HHAT: variants seen among roughly 807,000 people sequenced by gnomAD.
The protein encoded by HHAT is hedgehog acyltransferase, also known as protein-cysteine N-palmitoyltransferase HHAT.
A neutral mutation model predicts 70.8 loss-of-function variants in HHAT; 47 were observed. That is an observed-to-expected ratio of 0.66 (90% CI 0.53 to 0.85). HHAT has a LOEUF of 0.85. Among genes scored for constraint, HHAT ranks in the 40% least tolerant of loss-of-function variants. HHAT has a pLI of 0.00. For missense variants in HHAT, 609 were observed against 604.8 expected (o/e 1.01, Z -0.07); for synonymous variants, 228 against 247.6 (o/e 0.92, Z 0.74).
In HHAT at chr1:210,659,618, AAG is replaced by A. The variant is rs1241180901; in HGVS notation, c.1391-14666_1391-14665del. ...AAGCCTGCCAGAGACACAACAAAAA[AAG>A]AGAATTTTAGACCAATATCCCTGAT... On this transcript the variant is annotated intron_variant, in intron 11 of 11. Transcript: ENST00000261458. 3.3e-5 allele frequency among the ~76,000 whole-genome samples: 5 copies of A among 152,346 alleles called. No individual in the cohort carries two copies. In the East Asian group the frequency reaches 9.7e-4, roughly 29 times the overall value.
chr1:210,601,597 GC>G (rs776110465), intron 10 of HHAT, among the ~76,000 whole-genome samples: 1 of 152,018 alleles, frequency 6.6e-6, no homozygotes, highest in Non-Finnish European at 1.5e-5. Flanking sequence ...AAAATTCTCA[GC>G]ACCTTATGTA....
At position 210,362,833 on chromosome 1, in the gene HHAT, A is replaced by G. The variant is rs1251818655; in HGVS notation, c.92-19A>G. 2 of 1,577,852 alleles carry G rather than the reference A, an allele frequency of 1.3e-6. No individual in the cohort carries two copies. Among genetic ancestry groups the G allele is most frequent in the Non-Finnish European group, 1.7e-6 (2 of 1,149,128 alleles). On this transcript the variant is annotated intron_variant, in intron 2 of 11. Transcript: ENST00000261458. ...TTGTTTAGATTTGTGACTAACGAAG[A>G]CTTTTTTTTTTTGGTCAGAACACGA...
At chr1:210,526,546 G>A (rs959348651) in intron 9 of HHAT, among the ~76,000 whole-genome samples, 3 of 152,066 alleles carry the variant, frequency 2.0e-5, no homozygotes, top group Admixed American at 6.5e-5. Context: ...AGCAGCCTGT[G>A]GAATGGAAAA....
At chr1:210,379,209 C>G (rs1239353808) in intron 3 of HHAT, among the ~76,000 whole-genome samples, 2 of 152,228 alleles carry the variant, frequency 1.3e-5, no homozygotes, top group Non-Finnish European at 2.9e-5. Flanking sequence ...ATGGCTGCTG[C>G]AGAACAGCCA....
chr1:210,362,236 C>CTTTTTTTTTTTTTTTTTTTTT (rs72236593), intron 2 of HHAT, among the ~76,000 whole-genome samples: 1 of 139,674 alleles, frequency 7.2e-6, no homozygotes, highest in Non-Finnish European at 1.6e-5. Flanking sequence ...GTCAAAATTT[C>CTTTTTTTTTTTTTTTTTTTTT]TTTTTTTTTT....
At chr1:210,471,217 C>T (rs2094198440) in intron 8 of HHAT, among the ~76,000 whole-genome samples, 1 of 152,092 alleles carries the variant, frequency 6.6e-6, no homozygotes, top group Admixed American at 6.5e-5. Flanking sequence ...ACCATGACTG[C>T]TTGTTGATAC....
At chr1:210,513,029 A>G in intron 8 of HHAT, 124 bp from the exon 9 acceptor site, 1 of 612,910 alleles carries the variant, frequency 1.6e-6, no homozygotes, top group African/African-American at 2.0e-5. Flanking sequence ...ACATCTTGAG[A>G]ACTACTGTGG....
chr1:210,508,445 C>T (rs2094899857), intron 8 of HHAT, among the ~76,000 whole-genome samples: 1 of 152,078 alleles, frequency 6.6e-6, no homozygotes, highest in Non-Finnish European at 1.5e-5. Flanking sequence ...GATGAAATAA[C>T]ATTTTTAAAA....
rs562393233 is a variant in HHAT, at chr1:210,400,724, C to G, written c.468+62C>G. The G allele has an allele frequency of 9.0e-5, 129 of 1,429,816 alleles. 1 individual carries two copies. In the African/African-American group the frequency reaches 1.6e-3, roughly 18 times the overall value. 88.6% of individuals were successfully genotyped at this position (1,429,816 alleles called of 1,614,324 possible). On this transcript the variant is annotated intron_variant, in intron 5 of 11. Coordinates refer to ENST00000261458, the MANE Select transcript of HHAT (RefSeq NM_018194.6). ...AGGCCCCTTTGGCTTTGCCTTGATC[C>G]CAGTAGACACCTTGGTTTTCAGACA...
intron 10 of HHAT, among the ~76,000 whole-genome samples, chr1:210,622,187 A>C (rs1668976804): frequency 6.6e-6 from 1 of 152,198 alleles, no homozygotes; most frequent in Admixed American, 6.5e-5. Flanking sequence ...TCATTGAGTC[A>C]TTCCGAGTTC....
chr1:210,513,270 A>G (rs12142231), intron 9 of HHAT, 82 bp downstream of exon 9: 107,978 of 744,120 alleles, frequency 0.15, 8,948 homozygotes, highest in South Asian at 0.23. Context: ...TTTGTTAAGT[A>G]TCTTGATAAA....
intron 10 of HHAT, among the ~76,000 whole-genome samples, chr1:210,617,216 T>A (rs1667930541): frequency 1.3e-5 from 2 of 152,260 alleles, no homozygotes; most frequent in Admixed American, 1.3e-4. Context: ...GCCCATGTTA[T>A]GTTTGGGGAA....
chr1:210,424,227 G>A (rs75748711), intron 7 of HHAT, among the ~76,000 whole-genome samples: 36 of 152,084 alleles, frequency 2.4e-4, no homozygotes, highest in East Asian at 1.9e-3. Context: ...TTTCGTCAGC[G>A]TTTTGCAGTT....
intron 8 of HHAT, among the ~76,000 whole-genome samples, chr1:210,504,607 G>A (rs1052337704): frequency 1.3e-5 from 2 of 152,176 alleles, no homozygotes; most frequent in Non-Finnish European, 2.9e-5. Context: ...TCCTTCAGCA[G>A]TGTGAAATGC....
chr1:210,368,496 G>A (rs532082640), intron 3 of HHAT, among the ~76,000 whole-genome samples: 4 of 152,032 alleles, frequency 2.6e-5, no homozygotes, highest in East Asian at 3.9e-4. Context: ...TCGCCATGTC[G>A]GCCAGGCTGG....
rs1157332044 is a variant in HHAT at position 210,675,246 on chromosome 1, G to A, written c.*867G>A. ...GTCATCCTCCTACTCAGTGATTCAC[G>A]TTTAGTGGTTTATATTATTAAGGTT... On this transcript the variant is annotated 3_prime_UTR_variant, in exon 12 of 12. Coordinates refer to ENST00000261458, the MANE Select transcript of HHAT (RefSeq NM_018194.6). 2.0e-5 allele frequency: 3 copies of A among 152,112 alleles called. No homozygotes were observed. Among genetic ancestry groups the A allele is most frequent in the Admixed American group, 2.0e-4 (3 of 15,282 alleles). The allele number at this position is 152,112 out of a possible 1,614,324, so 9.4% of individuals were successfully genotyped here. A position where few individuals can be genotyped will look rare whatever the true frequency, so the allele number is the denominator to read the frequency against.
intron 1 of HHAT, among the ~76,000 whole-genome samples, chr1:210,334,805 G>T (rs1351635165): frequency 6.6e-6 from 1 of 151,708 alleles, no homozygotes; most frequent in Admixed American, 6.6e-5. Flanking sequence ...CTCTTAAGAT[G>T]TTATGAACGA....
At chr1:210,342,512 G>A (rs2086127248) in intron 1 of HHAT, among the ~76,000 whole-genome samples, 1 of 152,174 alleles carries the variant, frequency 6.6e-6, no homozygotes, top group Admixed American at 6.6e-5. Context: ...TAATCAGGTA[G>A]ACTGCTACTT....
At chr1:210,584,464 A>C (rs909321630) in intron 9 of HHAT, among the ~76,000 whole-genome samples, 8 of 152,148 alleles carry the variant, frequency 5.3e-5, no homozygotes, top group African/African-American at 1.9e-4. Context: ...GCCAGCAGTT[A>C]CCTCCATGCA....
Sources: allele counts gnomAD v4.1 joint callset (sites outside exome capture counted in the v4.1 genomes callset), GRCh38; gene constraint gnomAD v4.1.1; transcripts MANE v1.5; gene names NCBI Gene and HGNC (gene_info 2026-07-23, HGNC 2026-07-21).